Variants in MBNL1 observed in about 807,000 individuals in gnomAD.
The protein encoded by MBNL1 is muscleblind-like protein 1.
In MBNL1, 8 loss-of-function variants were observed where a neutral mutation model predicts 42.2. The observed-to-expected ratio is 0.19, with a 90% CI of 0.11 to 0.34. The LOEUF is 0.34. Ranked by LOEUF, MBNL1 falls within the 10% of genes least tolerant of loss-of-function variation. The pLI is 1.00. For missense variants in MBNL1, 309 were observed against 495.3 expected, an observed-to-expected ratio of 0.62 and a Z score of 3.57; for synonymous variants, 169 against 173.9, an observed-to-expected ratio of 0.97 and a Z score of 0.22.
intron 2 of MBNL1, among the ~76,000 whole-genome samples, chr3:152,260,901 A>G (rs1368149022): frequency 6.6e-6 from 1 of 152,020 alleles, no homozygotes; most frequent in African/African-American, 2.4e-5. Context: ...GCTAGTCCTA[A>G]CTCCCTCATT....
At chr3:152,388,334 G>A (rs770025213) in intron 2 of MBNL1, among the ~76,000 whole-genome samples, 1 of 152,184 alleles carries the variant, frequency 6.6e-6, no homozygotes, top group East Asian at 1.9e-4. Flanking sequence ...ACAAAGGTCC[G>A]TGGAACACAT....
upstream of MBNL1, chr3:152,243,738 C>A (rs1192015334): frequency 6.6e-6 from 1 of 152,182 alleles, no homozygotes; most frequent in Non-Finnish European, 1.5e-5. Context: ...TTTCTGTGAT[C>A]ATTGAGCCAC....
At chr3:152,261,908 G>A (rs1576814043) in intron 2 of MBNL1, among the ~76,000 whole-genome samples, 1 of 152,150 alleles carries the variant, frequency 6.6e-6, no homozygotes. Context: ...TTGGGAGTCC[G>A]TGAGGAGCAA....
upstream of MBNL1, chr3:152,268,872 C>T (rs1007776374): frequency 2.2e-6 from 1 of 453,586 alleles, no homozygotes; most frequent in Admixed American, 2.4e-5. Context: ...GGAGGGGCCG[C>T]GCAGCAGCAG....
intron 6 of MBNL1, chr3:152,449,176 T>C (rs1232868197): frequency 1.3e-5 from 2 of 152,208 alleles, no homozygotes; most frequent in African/African-American, 4.8e-5. Flanking sequence ...TTCAAGGGAT[T>C]ATATGTAACT....
At chr3:152,330,690 A>AT (rs1369909109) in intron 2 of MBNL1, among the ~76,000 whole-genome samples, 1 of 152,192 alleles carries the variant, frequency 6.6e-6, no homozygotes, top group African/African-American at 2.4e-5. Flanking sequence ...ACGATAAGAT[A>AT]TTTTGAGACA....
upstream of MBNL1, chr3:152,268,678 G>T (rs751390975): frequency 3.2e-5 from 14 of 438,264 alleles, no homozygotes; most frequent in South Asian, 1.6e-4. Flanking sequence ...CCTGCTCTCG[G>T]CGCCGCTGGG....
At chr3:152,306,441 C>G (rs568995183) in intron 2 of MBNL1, among the ~76,000 whole-genome samples, 80 of 152,224 alleles carry the variant, frequency 5.3e-4, no homozygotes, top group African/African-American at 1.9e-3. Context: ...CAGTGCCAGC[C>G]ATCATATCCT....
At chr3:152,280,922 A>T (rs896479559) in intron 1 of MBNL1, among the ~76,000 whole-genome samples, 2 of 152,148 alleles carry the variant, frequency 1.3e-5, no homozygotes, top group Non-Finnish European at 2.9e-5. Flanking sequence ...CATTACATAT[A>T]AAGTTTTACT....
At chr3:152,461,625 G>C (rs1475059839) in intron 9 of MBNL1, among the ~76,000 whole-genome samples, 1 of 152,092 alleles carries the variant, frequency 6.6e-6, no homozygotes, top group African/African-American at 2.4e-5. Context: ...ATCTTCATGA[G>C]GAGTTGCAAC....
At chr3:152,349,794 C>T (rs1578433027) in intron 2 of MBNL1, among the ~76,000 whole-genome samples, 1 of 151,816 alleles carries the variant, frequency 6.6e-6, no homozygotes, top group Admixed American at 6.6e-5. Context: ...TTTAATGCTA[C>T]TGTTTTTATC....
intron 3 of MBNL1, among the ~76,000 whole-genome samples, chr3:152,422,667 G>A (rs1422593606): frequency 6.6e-6 from 1 of 152,126 alleles, no homozygotes; most frequent in Non-Finnish European, 1.5e-5. Flanking sequence ...GCACCACATA[G>A]CACTTATTCT....
At chr3:152,383,744 C>G (rs1489746131) in intron 2 of MBNL1, among the ~76,000 whole-genome samples, 1 of 152,010 alleles carries the variant, frequency 6.6e-6, no homozygotes, top group Non-Finnish European at 1.5e-5. Flanking sequence ...TTTCAGGATC[C>G]TTTTACCTTG....
intron 1 of MBNL1, chr3:152,269,707 GCCT>G (rs1017839635): frequency 8.3e-6 from 2 of 240,946 alleles, no homozygotes; most frequent in South Asian, 3.7e-5. Flanking sequence ...GGAGAGGGCT[GCCT>G]CCTCCTTTTC....
Position 152,455,703 on chromosome 3 carries a change from C to A in MBNL1, c.997+126C>A. On this transcript the variant is annotated intron_variant, in intron 7 of 9. Transcript: ENST00000324210. ...CCATTTCCCTTTTACTAACACTTGTCAATTAAATGCCATTTTCTGTTTAAT... is the reference window on the plus strand; with the variant it reads ...CCATTTCCCTTTTACTAACACTTGTAAATTAAATGCCATTTTCTGTTTAAT... 4 of 773,824 alleles carry A rather than the reference C, an allele frequency of 5.2e-6. No individual in the cohort carries two copies. In the South Asian group the frequency reaches 6.5e-5, roughly 13 times the overall value. The allele number at this position is 773,824 out of a possible 1,614,324, so 47.9% of individuals were successfully genotyped here. A position where few individuals can be genotyped will look rare whatever the true frequency, so the allele number is the denominator to read the frequency against.
intron 2 of MBNL1, among the ~76,000 whole-genome samples, chr3:152,368,953 C>T (rs2096544857): frequency 6.6e-6 from 1 of 152,198 alleles, no homozygotes; most frequent in Admixed American, 6.5e-5. Flanking sequence ...ATGTCTTCTG[C>T]AGACAGAGAC....
At chr3:152,312,918 C>G (rs187858805) in intron 2 of MBNL1, among the ~76,000 whole-genome samples, 7 of 152,160 alleles carry the variant, frequency 4.6e-5, no homozygotes, top group Admixed American at 2.0e-4. Context: ...GACAATGTGA[C>G]TACCAGTGGT....
At chr3:152,414,848 T>C in intron 2 of MBNL1, 93 bp from the exon 3 acceptor site, 2 of 1,232,340 alleles carry the variant, frequency 1.6e-6, no homozygotes, top group Middle Eastern at 1.9e-4. Context: ...AAACCAATGA[T>C]ACATTCAAGT....
intron 2 of MBNL1, among the ~76,000 whole-genome samples, chr3:152,411,077 C>G (rs1032947722): frequency 6.6e-6 from 1 of 152,148 alleles, no homozygotes; most frequent in African/African-American, 2.4e-5. Flanking sequence ...GTTATTGTTA[C>G]TATTATATAG....
Sources: gnomAD v4.1 joint callset for allele counts (sites outside exome capture counted in the v4.1 genomes callset) on GRCh38, gnomAD v4.1.1 for gene constraint, MANE v1.5 for transcripts, NCBI Gene and HGNC (gene_info 2026-07-23, HGNC 2026-07-21) for gene names.